ROBO2: variants seen among roughly 807,000 people sequenced by gnomAD.
ROBO2 encodes roundabout guidance receptor 2, also known as roundabout homolog 2.
ROBO2 carries 53 observed loss-of-function variants against 160.8 expected under a neutral mutation model. The ratio of observed to expected loss-of-function variants is 0.33; its 90% CI spans 0.26 to 0.41. The LOEUF (loss-of-function observed/expected upper bound fraction) is 0.41. ROBO2 is among the 10% of genes least tolerant of loss of function. The pLI is 1.00. For missense variants in ROBO2, 1,577 were observed against 1,722.4 expected (o/e 0.92, Z 1.49); for synonymous variants, 664 against 611.7 (o/e 1.09, Z -1.26).
In ROBO2 at chr3:76,441,957, A is replaced by T. The variant is rs141409897; in HGVS notation, c.109+504355A>T. On this transcript the variant is annotated intron_variant, in intron 2 of 26. Coordinates refer to the ROBO2 transcript ENST00000487694. ...TAAGGGGACAGAGGAAGCAAGAAAGAAGAGAGAGAGAGAAAGAATCTGAGA... is the reference window on the plus strand; with the variant it reads ...TAAGGGGACAGAGGAAGCAAGAAAGTAGAGAGAGAGAGAAAGAATCTGAGA... Among the ~76,000 whole-genome samples the T allele has an allele frequency of 4.6e-5, 7 of 152,144 alleles. No individual in the cohort carries two copies. The East Asian group carries it at 9.7e-4, about 21-fold the overall frequency.
intron 2 of ROBO2, among the ~76,000 whole-genome samples, chr3:76,824,027 C>T (rs1435309371): frequency 6.6e-6 from 1 of 152,096 alleles, no homozygotes; most frequent in Non-Finnish European, 1.5e-5. Context: ...TCCTAACAGT[C>T]TTTCAGGGGC....
intron 17 of ROBO2, 99 bp downstream of exon 18, chr3:77,589,032 T>TTA: frequency 7.1e-7 from 1 of 1,409,120 alleles, no homozygotes. Flanking sequence ...TGATTTGGGC[T>TTA]TATTTTAGAA....
chr3:77,399,975 G>C (rs2075645782), intron 2 of ROBO2, among the ~76,000 whole-genome samples: 1 of 152,080 alleles, frequency 6.6e-6, no homozygotes. Context: ...AGGTTAATCT[G>C]CCCAGAGAGG....
At chr3:76,155,307 C>T (rs533880225) in intron 2 of ROBO2, among the ~76,000 whole-genome samples, 312 of 152,200 alleles carry the variant, frequency 2.0e-3, no homozygotes, top group Non-Finnish European at 3.4e-3. Flanking sequence ...AGAGACTGAA[C>T]CTCAATCTGA....
intron 2 of ROBO2, among the ~76,000 whole-genome samples, chr3:76,220,641 A>G (rs1007918191): frequency 8.5e-5 from 13 of 152,192 alleles, no homozygotes; most frequent in African/African-American, 3.1e-4. Context: ...GTACAGGAGC[A>G]CAGATGCACT....
intron 2 of ROBO2, among the ~76,000 whole-genome samples, chr3:77,002,281 C>A (rs948459826): frequency 1.3e-5 from 2 of 151,768 alleles, no homozygotes; most frequent in African/African-American, 4.8e-5. Flanking sequence ...TATATCTTAA[C>A]TTATACACCA....
intron 2 of ROBO2, among the ~76,000 whole-genome samples, chr3:76,942,659 A>T (rs995585672): frequency 1.5e-4 from 22 of 151,696 alleles, no homozygotes; most frequent in African/African-American, 5.4e-4. Flanking sequence ...CTCTCATTGT[A>T]GCCTAGAGAA....
At chr3:76,411,800 TA>T (rs1269641762) in intron 2 of ROBO2, among the ~76,000 whole-genome samples, 2 of 152,336 alleles carry the variant, frequency 1.3e-5, no homozygotes, top group African/African-American at 4.8e-5. Context: ...TGATGAATGC[TA>T]TTGTGTAGAA....
chr3:76,754,338 G>C (rs937317695), intron 2 of ROBO2, among the ~76,000 whole-genome samples: 7 of 151,874 alleles, frequency 4.6e-5, no homozygotes, highest in African/African-American at 1.7e-4. Context: ...TTAGTATCTG[G>C]ACAGAAGCCT....
chr3:75,933,585 G>C (rs1310923250), intron 1 of ROBO2, among the ~76,000 whole-genome samples: 4 of 151,706 alleles, frequency 2.6e-5, no homozygotes, highest in African/African-American at 9.7e-5. Context: ...ACTCTTTCTA[G>C]ATAACAATGA....
chr3:76,818,230 T>C (rs2065852135), intron 2 of ROBO2, among the ~76,000 whole-genome samples: 1 of 152,140 alleles, frequency 6.6e-6, no homozygotes, highest in East Asian at 1.9e-4. Flanking sequence ...GATTTGAATT[T>C]CCCTGATCAT....
At chr3:77,466,529 G>A (rs2082778808) in intron 2 of ROBO2, among the ~76,000 whole-genome samples, 1 of 152,128 alleles carries the variant, frequency 6.6e-6, no homozygotes, top group Non-Finnish European at 1.5e-5. Context: ...GTTACAAAAT[G>A]TGTTGTTAAA....
At chr3:76,965,706 A>G (rs1189809470) in intron 2 of ROBO2, among the ~76,000 whole-genome samples, 1 of 148,788 alleles carries the variant, frequency 6.7e-6, no homozygotes, top group Non-Finnish European at 1.5e-5. Context: ...TGTTATAAGG[A>G]TTAGAGATGT....
At chr3:76,625,430 T>G (rs2089564966) in intron 2 of ROBO2, among the ~76,000 whole-genome samples, 1 of 152,144 alleles carries the variant, frequency 6.6e-6, no homozygotes, top group African/African-American at 2.4e-5. Context: ...CCAGATGTCA[T>G]TTTTTGTAAA....
chr3:77,046,312 A>T (rs890603612), intron 1 of ROBO2, among the ~76,000 whole-genome samples: 1 of 152,208 alleles, frequency 6.6e-6, no homozygotes, highest in Admixed American at 6.5e-5. Context: ...ACAATTTTAT[A>T]TTATACTAAT....
chr3:75,945,409 A>G (rs562638478), intron 2 of ROBO2, among the ~76,000 whole-genome samples: 18 of 152,258 alleles, frequency 1.2e-4, no homozygotes, highest in African/African-American at 4.3e-4. Context: ...TCCAGAAGTA[A>G]CAGAATAGAG....
chr3:77,457,365 C>A (rs960217082), intron 2 of ROBO2, among the ~76,000 whole-genome samples: 12 of 152,046 alleles, frequency 7.9e-5, no homozygotes, highest in Admixed American at 2.0e-4. Flanking sequence ...ATAGGGAGGA[C>A]AAAGCACCTA....
intron 2 of ROBO2, among the ~76,000 whole-genome samples, chr3:76,120,321 T>C (rs1390684434): frequency 6.6e-6 from 1 of 152,084 alleles, no homozygotes; most frequent in Non-Finnish European, 1.5e-5. Flanking sequence ...CTTTTAATGT[T>C]AATCTTTATT....
At chr3:76,730,054 G>A (rs1425644790) in intron 2 of ROBO2, among the ~76,000 whole-genome samples, 1 of 152,040 alleles carries the variant, frequency 6.6e-6, no homozygotes, top group African/African-American at 2.4e-5. Flanking sequence ...AAGCATCAAC[G>A]TTTGTCTTCA....
Sources: gnomAD v4.1 joint callset for allele counts (sites outside exome capture counted in the v4.1 genomes callset) on GRCh38, gnomAD v4.1.1 for gene constraint, MANE v1.5 for transcripts, NCBI Gene and HGNC (gene_info 2026-07-23, HGNC 2026-07-21) for gene names.